TCERG1: variants seen among roughly 807,000 people sequenced by gnomAD.
TCERG1 encodes the protein TATA box binding protein (TBP)-associated factor, RNA polymerase II, S, 150kD.
In TCERG1, 37 loss-of-function variants were observed where a neutral mutation model predicts 144.7. The observed-to-expected ratio is 0.26, with a 90% CI of 0.20 to 0.34. TCERG1 has a LOEUF of 0.34. Ranked by LOEUF, TCERG1 falls within the 10% of genes least tolerant of loss-of-function variation. The pLI, the probability that TCERG1 is intolerant of heterozygous loss-of-function variation, is 1.00. For synonymous variants in TCERG1, 492 were observed against 458.2 expected (o/e 1.07, Z -0.94); for missense variants, 1,027 against 1,380.7 (o/e 0.74, Z 4.06).
At chr5:146,465,132 T>C (rs988626751) in intron 5 of TCERG1, among the ~76,000 whole-genome samples, 2 of 152,222 alleles carry the variant, frequency 1.3e-5, no homozygotes, top group Non-Finnish European at 2.9e-5. Context: ...CTTTTCTCTA[T>C]GTGTAATTTT....
chr5:146,496,876 T>G (rs1429028298), intron 16 of TCERG1, among the ~76,000 whole-genome samples: 4 of 145,156 alleles, frequency 2.8e-5, no homozygotes, highest in South Asian at 4.5e-4. Context: ...TGTGTTTTTT[T>G]TTTTTTTTTT....
At chr5:146,492,845 CAT>C in intron 15 of TCERG1, 73 bp from the exon 16 acceptor site, 3 of 1,027,652 alleles carry the variant, frequency 2.9e-6, no homozygotes, top group Non-Finnish European at 4.5e-6. Flanking sequence ...TGGACAAAGA[CAT>C]TGTCCAATAA....
intron 10 of TCERG1, among the ~76,000 whole-genome samples, chr5:146,478,955 A>G (rs1352919528): frequency 2.6e-5 from 4 of 152,176 alleles, no homozygotes; most frequent in South Asian, 4.1e-4. Flanking sequence ...CAATACTACT[A>G]AAATGCTCCT....
Position 146,447,380 on chromosome 5 carries a change from A to G in TCERG1, c.31A>G (p.Ser11Gly). 3 of 1,611,648 alleles carry G rather than the reference A, an allele frequency of 1.9e-6. No individual in the cohort carries two copies. The highest frequency in any genetic ancestry group is 2.5e-6 in the Non-Finnish European group (3 of 1,179,128). Reference protein sequence around the residue: MAERGGDGGESERFNPGELRM... With the variant: MAERGGDGGEGERFNPGELRM... ...GGAGCGTGGCGGGGACGGGGGCGAG[A>G]GTGAACGATTCAACCCGGGGGAGCT... The change falls in exon 1 of 23, where the codon AGT becomes GGT. Residue 11 changes from serine to glycine, a missense_variant. By Grantham distance (56) the Ser-to-Gly change is moderately conservative (BLOSUM62 0). Around this residue, in one of 6 missense-constraint regions of TCERG1, gnomAD observed 175 missense variants for 197.0 expected, o/e 0.89. Transcript: ENST00000679501.
chr5:146,481,870 T>C (rs754593135), intron 13 of TCERG1: 1 of 152,150 alleles, frequency 6.6e-6, no homozygotes, highest in African/African-American at 2.4e-5. Context: ...CCCTTACACC[T>C]GAGGTGCATT....
chr5:146,482,835 TA>T, intron 14 of TCERG1, 108 bp downstream of exon 14: 1 of 1,295,326 alleles, frequency 7.7e-7, no homozygotes, highest in Non-Finnish European at 1.0e-6. Flanking sequence ...TGGGGGGGGA[TA>T]AGGGGATTTT....
Position 146,469,740 on chromosome 5 carries a change from A to G in TCERG1, c.1395A>G (p.Glu465=). Residue 465 remains glutamate, a synonymous_variant, in exon 7 of 23, where the codon GAA becomes GAG. Coordinates refer to ENST00000679501, the MANE Select transcript of TCERG1 (RefSeq NM_001382548.1). ...GGGAAAAACCCCAAGAACTAAAGGA[A>G]AAAGGTATATAGTGGTTTTAATGAC... ...STWEKPQELK[E]KEKLEEKIKE... 2 of 1,600,218 alleles carry G rather than the reference A, an allele frequency of 1.2e-6. No individual in the cohort carries two copies. The highest frequency in any genetic ancestry group is 2.2e-5 in the South Asian group (2 of 88,968).
intron 22 of TCERG1, 121 bp from the exon 23 acceptor site, chr5:146,510,318 TAA>T (rs546570760): frequency 0.077 from 41,262 of 538,828 alleles, 4 homozygotes; most frequent in East Asian, 0.22. Flanking sequence ...AAATTTTTCT[TAA>T]AAAAAAAAAA....
intron 4 of TCERG1, among the ~76,000 whole-genome samples, chr5:146,459,933 T>G (rs1763192215): frequency 6.6e-6 from 1 of 152,156 alleles, no homozygotes; most frequent in Admixed American, 6.5e-5. Flanking sequence ...AGAGGGTGTT[T>G]TTTTTGAAGG....
At chr5:146,447,911 C>T (rs1762027104) in intron 1 of TCERG1, among the ~76,000 whole-genome samples, 1 of 152,276 alleles carries the variant, frequency 6.6e-6, no homozygotes, top group South Asian at 2.1e-4. Context: ...TCATCCCCCT[C>T]ATTGCTTGCC....
intron 22 of TCERG1, 87 bp from the exon 23 acceptor site, chr5:146,510,354 T>A: frequency 1.0e-6 from 1 of 955,290 alleles, no homozygotes; most frequent in Non-Finnish European, 1.5e-6. Flanking sequence ...GAAACACAAT[T>A]AGGAACTAGA....
chr5:146,491,150 T>TC (rs1766375568), intron 15 of TCERG1, among the ~76,000 whole-genome samples: 1 of 151,564 alleles, frequency 6.6e-6, no homozygotes, highest in Non-Finnish European at 1.5e-5. Flanking sequence ...GTTTGGGTAC[T>TC]CTTTTTTTTT....
chr5:146,492,434 T>C (rs575877063), intron 15 of TCERG1, among the ~76,000 whole-genome samples: 79 of 152,270 alleles, frequency 5.2e-4, no homozygotes, highest in African/African-American at 1.8e-3. Flanking sequence ...AGGTGGTAAA[T>C]AGATGATCAG....
intron 9 of TCERG1, 53 bp downstream of exon 9, chr5:146,471,629 C>CAAAA: frequency 1.3e-6 from 2 of 1,483,494 alleles, no homozygotes; most frequent in Non-Finnish European, 1.9e-6. Flanking sequence ...GACGGAGTCT[C>CAAAA]ACTCTGTCAC....
At chr5:146,458,859 C>T (rs984238965) in intron 3 of TCERG1, 25 bp from the exon 4 acceptor site, 2 of 1,577,278 alleles carry the variant, frequency 1.3e-6, no homozygotes, top group African/African-American at 2.7e-5. Flanking sequence ...TTTTATGATA[C>T]CATTGATTTT....
chr5:146,467,861 A>G (rs916827924), intron 5 of TCERG1, among the ~76,000 whole-genome samples: 1 of 152,086 alleles, frequency 6.6e-6, no homozygotes, highest in African/African-American at 2.4e-5. Flanking sequence ...CCCCTAGCTT[A>G]TTCCTTTTTT....
chr5:146,510,686 A>C lies in TCERG1; in HGVS notation c.*44A>C, dbSNP rs1768392318. 1 of 1,566,980 alleles carries C rather than the reference A, an allele frequency of 6.4e-7. No homozygotes were observed. ...AGGGGCATCTATTCAAAATGCTTGC[A>C]TGAGCCAATTTTCAGGTTTTTACAT... On this transcript the variant is annotated 3_prime_UTR_variant, in exon 23 of 23. Transcript: ENST00000679501.
intron 15 of TCERG1, among the ~76,000 whole-genome samples, chr5:146,486,860 A>C (rs776498079): frequency 6.6e-6 from 1 of 152,138 alleles, no homozygotes; most frequent in Non-Finnish European, 1.5e-5. Context: ...GGATCACATG[A>C]GGTCAGGAGT....
Position 146,455,061 on chromosome 5 carries a change from C to T in TCERG1, c.65C>T (p.Ala22Val), listed in dbSNP as rs1762710424. ...ERFNPGELRMAQQQALRFRGP... is the reference protein window; with the variant it reads ...ERFNPGELRMVQQQALRFRGP... ...TTCCTTGCTTTCCCATGCAGGATGG[C>T]CCAACAGCAGGCCTTGAGGTTCCGA... Residue 22 changes from alanine (A) to valine (V), a missense_variant, in exon 2 of 23, where the codon GCC (alanine) becomes GTC (valine). By Grantham distance (64) the Ala-to-Val change is moderately conservative. Transcript: ENST00000679501. The T allele has an allele frequency of 6.2e-7, 1 of 1,614,054 alleles. No homozygotes were observed. The highest frequency in any genetic ancestry group is 8.5e-7 in the Non-Finnish European group (1 of 1,180,028).
Sources: gnomAD v4.1 joint callset for allele counts (sites outside exome capture counted in the v4.1 genomes callset) on GRCh38, gnomAD v4.1.1 for gene constraint, gnomAD v4.1.1 regional missense constraint, MANE v1.5 for transcripts, NCBI Gene and HGNC (gene_info 2026-07-23, HGNC 2026-07-21) for gene names.